Variants in RIGI observed in about 807,000 individuals in gnomAD.
RIGI encodes the protein antiviral innate immune response receptor RIG-I.
the RIGI span, among the ~76,000 whole-genome samples, chr9:32,491,727 A>AAAAAAAAAAAAC: frequency 6.6e-6 from 1 of 152,020 alleles, no homozygotes; most frequent in African/African-American, 2.4e-5. Context: ...AAAAAAAAAA[A>AAAAAAAAAAAAC]AAAAAAAGAG....
At chr9:32,467,897 C>T in the RIGI span, 4 of 1,611,896 alleles carry the variant, frequency 2.5e-6, no homozygotes, top group Non-Finnish European at 3.4e-6. Flanking sequence ...GCTTTGAATG[C>T]ATCCAATATA....
chr9:32,487,568 A>G, the RIGI span: 5 of 1,614,200 alleles, frequency 3.1e-6, no homozygotes, highest in Non-Finnish European at 4.2e-6. Context: ...GCTTGCAGAT[A>G]TAATCCAAGG....
chr9:32,497,307 T>G, the RIGI span, among the ~76,000 whole-genome samples: 1 of 152,240 alleles, frequency 6.6e-6, no homozygotes, highest in Non-Finnish European at 1.5e-5. Flanking sequence ...CTATTATAAA[T>G]GGAATTGTTA....
At chr9:32,480,436 C>T in the RIGI span, 62 of 1,346,308 alleles carry the variant, frequency 4.6e-5, no homozygotes, top group Middle Eastern at 2.1e-4. Context: ...TTGTATTTAA[C>T]GAATTGTTTT....
chr9:32,503,234 C>T, the RIGI span, among the ~76,000 whole-genome samples: 6,842 of 152,170 alleles, frequency 0.045, 457 homozygotes, highest in African/African-American at 0.14. Flanking sequence ...TTTATCCCAG[C>T]CACAGCTACC....
chr9:32,514,275 T>C, the RIGI span, among the ~76,000 whole-genome samples: 1 of 152,158 alleles, frequency 6.6e-6, no homozygotes, highest in Non-Finnish European at 1.5e-5. Flanking sequence ...CACATGCACA[T>C]GTATGTGTCT....
At chr9:32,489,490 G>A in the RIGI span, 1 of 1,352,550 alleles carries the variant, frequency 7.4e-7, no homozygotes. Flanking sequence ...AACAGTTCCT[G>A]CTCTGAGGAA....
the RIGI span, among the ~76,000 whole-genome samples, chr9:32,499,854 T>C: frequency 6.6e-6 from 1 of 152,118 alleles, no homozygotes; most frequent in Non-Finnish European, 1.5e-5. Context: ...TCCTGGACTC[T>C]AGCAGTCCTC....
the RIGI span, chr9:32,457,528 C>G: frequency 1.1e-6 from 1 of 936,578 alleles, no homozygotes; most frequent in Non-Finnish European, 1.5e-6. Context: ...AGGCAAAGAA[C>G]AGGTGGGTCT....
chr9:32,518,423 G>C, the RIGI span, among the ~76,000 whole-genome samples: 1 of 151,084 alleles, frequency 6.6e-6, no homozygotes, highest in Non-Finnish European at 1.5e-5. Context: ...CGAAAATCCA[G>C]GACAAATCAG....
At chr9:32,485,203 A>G in the RIGI span, 4 of 1,606,770 alleles carry the variant, frequency 2.5e-6, no homozygotes, top group Non-Finnish European at 3.4e-6. Flanking sequence ...TCTTTGCCAG[A>G]CTCTCTGTGT....
the RIGI span, among the ~76,000 whole-genome samples, chr9:32,512,720 A>G: frequency 1.2e-4 from 18 of 152,284 alleles, 1 homozygote; most frequent in East Asian, 1.5e-3. Flanking sequence ...TTCTGGCCAG[A>G]GCAATTAGGC....
chr9:32,501,971 C>T, the RIGI span, among the ~76,000 whole-genome samples: 1 of 152,156 alleles, frequency 6.6e-6, no homozygotes, highest in Non-Finnish European at 1.5e-5. Context: ...TATTTTAGTA[C>T]ATTTTCATCA....
the RIGI span, chr9:32,489,482 C>T: frequency 1.4e-6 from 2 of 1,440,052 alleles, no homozygotes; most frequent in Non-Finnish European, 2.0e-6. Context: ...AATTACCAAA[C>T]AGTTCCTGCT....
chr9:32,456,274 G>A, the RIGI span: 1 of 152,108 alleles, frequency 6.6e-6, no homozygotes, highest in Non-Finnish European at 1.5e-5. Flanking sequence ...AAGTTTTCAA[G>A]AAGTATTTTA....
the RIGI span, among the ~76,000 whole-genome samples, chr9:32,506,683 G>A: frequency 2.0e-5 from 3 of 152,096 alleles, no homozygotes; most frequent in Admixed American, 6.5e-5. Flanking sequence ...ATAAAAATGC[G>A]TGGCCTCCGT....
chr9:32,467,894 A>G, the RIGI span: 4 of 1,612,722 alleles, frequency 2.5e-6, no homozygotes, highest in Non-Finnish European at 3.4e-6. Flanking sequence ...CTGGCTTTGA[A>G]TGCATCCAAT....
chr9:32,467,713 ATCAG>A, the RIGI span: 1 of 1,500,844 alleles, frequency 6.7e-7, no homozygotes, highest in East Asian at 2.3e-5. Flanking sequence ...ACACTTATAA[ATCAG>A]TCAAAACAGA....
chr9:32,519,099 A>G, the RIGI span, among the ~76,000 whole-genome samples: 1 of 152,214 alleles, frequency 6.6e-6, no homozygotes, highest in Non-Finnish European at 1.5e-5. Flanking sequence ...AATATTCATC[A>G]TGTGTTTTTT....
Sources: gnomAD v4.1 joint callset for allele counts (sites outside exome capture counted in the v4.1 genomes callset) on GRCh38, gnomAD v4.1.1 for gene constraint, MANE v1.5 for transcripts, NCBI Gene and HGNC (gene_info 2026-07-23, HGNC 2026-07-21) for gene names.